Variants in UBE3C observed in about 807,000 individuals in gnomAD.
The protein encoded by UBE3C is ubiquitin protein ligase E3C.
In UBE3C, 42 loss-of-function variants were observed where a neutral mutation model predicts 129.4. The observed-to-expected ratio is 0.32, with a 90% CI of 0.25 to 0.42. The LOEUF is 0.42. Ranked by LOEUF, UBE3C falls within the 10% of genes least tolerant of loss-of-function variation. The pLI, the probability that UBE3C is intolerant of heterozygous loss-of-function variation, is 1.00. For synonymous variants in UBE3C, 510 were observed against 492.4 expected, an observed-to-expected ratio of 1.04 and a Z score of -0.47; for missense variants, 1,049 against 1,319.1, an observed-to-expected ratio of 0.80 and a Z score of 3.17.
intron 18 of UBE3C, among the ~76,000 whole-genome samples, chr7:157,235,622 T>C (rs1377253060): frequency 6.6e-6 from 1 of 152,238 alleles, no homozygotes; most frequent in Non-Finnish European, 1.5e-5. Flanking sequence ...GAAGAGAATT[T>C]GTGATTTTAA....
At chr7:157,182,381 A>G (rs1202763533) in intron 8 of UBE3C, 53 bp downstream of exon 8, 9 of 1,564,714 alleles carry the variant, frequency 5.8e-6, no homozygotes, top group Non-Finnish European at 7.9e-6. Flanking sequence ...TAGCATTGGC[A>G]GATGAGTCAA....
intron 9 of UBE3C, among the ~76,000 whole-genome samples, chr7:157,184,388 A>G (rs1208346065): frequency 1.3e-5 from 2 of 152,244 alleles, no homozygotes; most frequent in African/African-American, 4.8e-5. Flanking sequence ...AGTGTCTTCC[A>G]TTAATTCCTG....
intron 10 of UBE3C, among the ~76,000 whole-genome samples, chr7:157,190,259 C>T (rs1033627647): frequency 2.6e-5 from 4 of 152,084 alleles, no homozygotes; most frequent in African/African-American, 7.2e-5. Flanking sequence ...CCCTGGGGAC[C>T]TCTCCTCTGT....
chr7:157,140,278 G>C (rs1329523189), intron 1 of UBE3C, among the ~76,000 whole-genome samples: 2 of 151,870 alleles, frequency 1.3e-5, no homozygotes, highest in African/African-American at 2.4e-5. Context: ...ACATAACGCA[G>C]AGTGGGTGCT....
intron 5 of UBE3C, among the ~76,000 whole-genome samples, chr7:157,175,457 C>T (rs998497966): frequency 5.3e-5 from 8 of 152,138 alleles, no homozygotes; most frequent in African/African-American, 9.7e-5. Context: ...TATGTAGGAA[C>T]GCAGCATAAG....
At chr7:157,228,964 C>T (rs1795949400) in intron 17 of UBE3C, among the ~76,000 whole-genome samples, 1 of 152,188 alleles carries the variant, frequency 6.6e-6, no homozygotes, top group African/African-American at 2.4e-5. Context: ...TTCTGCTAAA[C>T]CCCTTTTCCA....
intron 13 of UBE3C, among the ~76,000 whole-genome samples, 172 bp downstream of exon 13, chr7:157,208,107 A>G (rs1809491400): frequency 1.1e-5 from 1 of 87,912 alleles, no homozygotes; most frequent in Non-Finnish European, 2.3e-5. Context: ...CATGGACTTG[A>G]TGTGTCTCCC....
chr7:157,195,773 G>C (rs140919249), intron 10 of UBE3C, among the ~76,000 whole-genome samples: 7 of 152,286 alleles, frequency 4.6e-5, no homozygotes, highest in Non-Finnish European at 1.0e-4. Flanking sequence ...ATTTAGAGTT[G>C]ATGCTGTAAT....
chr7:157,171,682 A>ATTTTTTTTTTTT, intron 4 of UBE3C, among the ~76,000 whole-genome samples: 1 of 44,980 alleles, frequency 2.2e-5, no homozygotes, highest in Non-Finnish European at 4.3e-5. Context: ...ATATATATAT[A>ATTTTTTTTTTTT]TATATTTTTT....
At chr7:157,174,808 T>A in intron 4 of UBE3C, 111 bp from the exon 5 acceptor site, 1 of 689,566 alleles carries the variant, frequency 1.5e-6, no homozygotes, top group South Asian at 2.3e-5. Flanking sequence ...ATCTTTTGAT[T>A]AGGTTTGATT....
At chr7:157,155,392 G>A (rs1391978125) in intron 1 of UBE3C, among the ~76,000 whole-genome samples, 1 of 152,114 alleles carries the variant, frequency 6.6e-6, no homozygotes, top group African/African-American at 2.4e-5. Flanking sequence ...TGGAAGATAA[G>A]CCAAATAGGT....
chr7:157,165,496 C>G (rs1177440258), intron 2 of UBE3C, among the ~76,000 whole-genome samples: 1 of 151,016 alleles, frequency 6.6e-6, no homozygotes, highest in Non-Finnish European at 1.5e-5. Context: ...CTTCCAGGTT[C>G]AAGCGATTCT....
At position 157,181,592 on chromosome 7, in the gene UBE3C, G is replaced by C; in HGVS notation, c.691G>C (p.Val231Leu). 1 of 1,613,690 alleles carries C rather than the reference G, an allele frequency of 6.2e-7. No homozygotes were observed. Among genetic ancestry groups the C allele is most frequent in the Non-Finnish European group, 8.5e-7 (1 of 1,179,860 alleles). ...TATTGAATATTCTGATTTATCTCGA[G>C]TTCCTATAGCAAAAATTTTGCTAGA... is the stretch of plus-strand genomic sequence containing the variant. ...SSIEYSDLSR[V>L]PIAKILLENV... Residue 231 changes from valine to leucine, a missense_variant, in exon 7 of 23, where the codon GTT becomes CTT. Transcript: ENST00000348165.
rs79667166 is a variant in UBE3C at position 157,215,092 on chromosome 7, C to T, written c.1810-1775C>T. The stretch of plus-strand genomic sequence containing the variant: ...TTTTAAAATGCCACAAGAGAATCGC[C>T]ACTTCTAAATTGGCACGAAATACCC... On this transcript the variant is annotated intron_variant, in intron 13 of 22. Coordinates refer to ENST00000348165, the MANE Select transcript of UBE3C (RefSeq NM_014671.3). Among the ~76,000 whole-genome samples, 97 of 152,320 alleles carry T rather than the reference C, an allele frequency of 6.4e-4. 1 individual carries two copies. The highest frequency in any genetic ancestry group is 2.2e-3 in the African/African-American group (92 of 41,562).
rs140842665 is a variant in UBE3C, at chr7:157,187,002, A to T, written c.1312A>T (p.Met438Leu). Residue 438 changes from methionine (M) to leucine (L), a missense_variant, in exon 10 of 23, where the codon ATG becomes TTG. Around this residue, in one of 4 missense-constraint regions of UBE3C, gnomAD observed 314 missense variants for 416.9 expected, o/e 0.75. Coordinates refer to ENST00000348165, the MANE Select transcript of UBE3C (RefSeq NM_014671.3). ...VCHTLMVQHRMMVPKVRLLYS... is the reference protein window; with the variant it reads ...VCHTLMVQHRLMVPKVRLLYS... ...CCACACGCTGATGGTGCAGCACCGC[A>T]TGATGGTACCCAAAGTCAGGCAAGT... The T allele has an allele frequency of 1.2e-5, 19 of 1,607,266 alleles. No homozygotes were observed. In the South Asian group the frequency reaches 2.1e-4, roughly 18 times the overall value.
intron 18 of UBE3C, among the ~76,000 whole-genome samples, chr7:157,248,002 T>G (rs1463814850): frequency 6.6e-6 from 1 of 152,232 alleles, no homozygotes; most frequent in Non-Finnish European, 1.5e-5. Context: ...TGTGATCATT[T>G]GCCGTAGCCA....
intron 10 of UBE3C, among the ~76,000 whole-genome samples, chr7:157,188,631 T>TC (rs1430818390): frequency 6.6e-6 from 1 of 152,190 alleles, no homozygotes; most frequent in African/African-American, 2.4e-5. Flanking sequence ...AAAAGGTGTT[T>TC]AATGGGTGAA....
Position 157,139,168 on chromosome 7 carries a change from C to A in UBE3C, c.-105C>A. 1 of 822,458 alleles carries A rather than the reference C, an allele frequency of 1.2e-6. No individual in the cohort carries two copies. The highest frequency in any genetic ancestry group is 5.5e-5 in the South Asian group (1 of 18,232). 50.9% of individuals were successfully genotyped at this position (822,458 alleles called of 1,614,324 possible). On this transcript the variant is annotated 5_prime_UTR_variant, in exon 1 of 23. Coordinates refer to ENST00000348165, the MANE Select transcript of UBE3C (RefSeq NM_014671.3). ...TCCCGGCCGCCGCGTCCTCGCTGCCCCGGGCCGGGCGGGCGGGCGCCGAGA... is the reference window on the plus strand; with the variant it reads ...TCCCGGCCGCCGCGTCCTCGCTGCCACGGGCCGGGCGGGCGGGCGCCGAGA...
At chr7:157,186,741 C>T (rs1044683919) in intron 9 of UBE3C, 93 bp from the exon 10 acceptor site, 40 of 1,449,456 alleles carry the variant, frequency 2.8e-5, no homozygotes, top group Middle Eastern at 1.8e-4. Context: ...CTTTCTTTGC[C>T]CGAAGAAAAA....
Sources: allele counts gnomAD v4.1 joint callset (sites outside exome capture counted in the v4.1 genomes callset), GRCh38; gene constraint gnomAD v4.1.1; regional missense constraint gnomAD v4.1.1; transcripts MANE v1.5; gene names NCBI Gene and HGNC (gene_info 2026-07-23, HGNC 2026-07-21).